Variants in FHIT observed in about 807,000 individuals in gnomAD.
The protein encoded by FHIT is fragile histidine triad diadenosine triphosphatase, also known as bis(5'-adenosyl)-triphosphatase.
A neutral mutation model predicts 17.9 loss-of-function variants in FHIT; 19 were observed. The ratio of observed to expected loss-of-function variants is 1.06; its 90% CI spans 0.74 to 1.56. The LOEUF (loss-of-function observed/expected upper bound fraction) is 1.56. Ranked by LOEUF, FHIT falls within the 40% of genes most tolerant of loss-of-function variation. The probability of loss-of-function intolerance (pLI) is 0.00; values close to 1 mark genes in which losing one functional copy is unlikely to be tolerated. For missense variants in FHIT, 248 were observed against 189.2 expected (o/e 1.31, Z -1.82); for synonymous variants, 81 against 69.7 (o/e 1.16, Z -0.81).
At chr3:60,911,974 AATGTT>A (rs1328014679) in intron 3 of FHIT, among the ~76,000 whole-genome samples, 4 of 151,996 alleles carry the variant, frequency 2.6e-5, no homozygotes, top group African/African-American at 9.7e-5. Context: ...TAATTATGTG[AATGTT>A]GCTATAAAAA....
intron 5 of FHIT, among the ~76,000 whole-genome samples, chr3:60,152,970 G>C (rs1700530816): frequency 6.6e-6 from 1 of 152,104 alleles, no homozygotes; most frequent in Non-Finnish European, 1.5e-5. Flanking sequence ...TGAAATCCTG[G>C]ACATGCAGTG....
intron 1 of FHIT, among the ~76,000 whole-genome samples, chr3:61,219,487 T>C (rs2039778912): frequency 1.3e-5 from 2 of 152,070 alleles, no homozygotes; most frequent in African/African-American, 4.8e-5. Flanking sequence ...CTTTCCCATG[T>C]TTTCCTTGAC....
intron 5 of FHIT, among the ~76,000 whole-genome samples, chr3:60,121,743 CACAT>C (rs1252108300): frequency 6.9e-6 from 1 of 145,636 alleles, no homozygotes; most frequent in African/African-American, 2.5e-5. Flanking sequence ...CACACACACA[CACAT>C]TAGCCCTGTG....
intron 3 of FHIT, among the ~76,000 whole-genome samples, chr3:60,962,370 C>G (rs183385956): frequency 6.6e-6 from 1 of 152,342 alleles, no homozygotes; most frequent in Admixed American, 6.5e-5. Flanking sequence ...GTCATGTCAT[C>G]TGCAAACAGG....
chr3:60,760,232 T>C (rs1699598400), intron 4 of FHIT, among the ~76,000 whole-genome samples: 1 of 152,176 alleles, frequency 6.6e-6, no homozygotes, highest in South Asian at 2.1e-4. Flanking sequence ...CAAGTGTTTT[T>C]GTAGGCATGT....
chr3:60,790,002 T>G (rs1553728088), intron 4 of FHIT, among the ~76,000 whole-genome samples: 1 of 152,192 alleles, frequency 6.6e-6, no homozygotes. Context: ...GATTAGTCTT[T>G]TAAATCAATG....
chr3:59,785,346 G>A (rs1426200939), intron 8 of FHIT, among the ~76,000 whole-genome samples: 1 of 138,926 alleles, frequency 7.2e-6, no homozygotes, highest in Non-Finnish European at 1.5e-5. Context: ...ATCTCACTCT[G>A]TCTCCCAGGC....
intron 3 of FHIT, among the ~76,000 whole-genome samples, chr3:60,856,833 C>A (rs565348900): frequency 2.6e-5 from 4 of 152,042 alleles, no homozygotes; most frequent in Non-Finnish European, 5.9e-5. Context: ...TGTACTCTCT[C>A]AGGCCTCAAA....
intron 5 of FHIT, among the ~76,000 whole-genome samples, chr3:60,106,653 T>G (rs984972474): frequency 6.6e-5 from 10 of 152,148 alleles, no homozygotes; most frequent in Non-Finnish European, 1.3e-4. Context: ...CCAAGGACAG[T>G]GCTGCTTCCC....
chr3:60,105,352 G>A (rs544559163), intron 5 of FHIT, among the ~76,000 whole-genome samples: 2 of 152,114 alleles, frequency 1.3e-5, no homozygotes, highest in African/African-American at 2.4e-5. Context: ...AAAATCTCTC[G>A]ATAATTTTGC....
chr3:60,045,520 T>A (rs1425163713), intron 5 of FHIT, among the ~76,000 whole-genome samples: 1 of 151,962 alleles, frequency 6.6e-6, no homozygotes, highest in Non-Finnish European at 1.5e-5. Flanking sequence ...ACTGTATCCC[T>A]CCCACAACAC....
rs116578612 is a variant in FHIT, at chr3:60,236,725, T to C, written c.104-222573A>G. 6.0e-3 allele frequency among the ~76,000 whole-genome samples: 914 copies of C among 152,314 alleles called. 6 individuals carry two copies. The highest frequency in any genetic ancestry group is 0.027 in the Middle Eastern group (8 of 294). ...TATTTCCTTTTTTTTACTTATACAG[T>C]AATATTTGAAAATATTCTCACTGTA... On this transcript the variant is annotated intron_variant, in intron 5 of 9. Coordinates refer to ENST00000492590, the MANE Select transcript of FHIT (RefSeq NM_002012.4).
chr3:61,213,795 T>C (rs1045379995), intron 1 of FHIT, among the ~76,000 whole-genome samples: 1 of 152,078 alleles, frequency 6.6e-6, no homozygotes, highest in Non-Finnish European at 1.5e-5. Flanking sequence ...ACAGAAATTA[T>C]AACAAATTGT....
intron 5 of FHIT, among the ~76,000 whole-genome samples, chr3:60,338,890 C>T (rs917708484): frequency 6.6e-6 from 1 of 152,242 alleles, no homozygotes; most frequent in Admixed American, 6.5e-5. Flanking sequence ...TCAGATGGGC[C>T]TGCCTCAAAC....
chr3:60,991,677 C>T (rs1457239199), intron 3 of FHIT, among the ~76,000 whole-genome samples: 1 of 152,144 alleles, frequency 6.6e-6, no homozygotes, highest in African/African-American at 2.4e-5. Flanking sequence ...CTAAAGTCTT[C>T]ACGTGAAAAC....
Position 61,154,248 on chromosome 3 carries a change from G to A in FHIT, c.-164+46369C>T, listed in dbSNP as rs188664977. Among the ~76,000 whole-genome samples the A allele has an allele frequency of 7.2e-5, 11 of 152,272 alleles. No individual in the cohort carries two copies. In the East Asian group the frequency reaches 1.5e-3, roughly 21 times the overall value. ...CTCAGGGAAACCTCCCAGAATGATA[G>A]GACCATTTACACTAAATGAACCGAA... On this transcript the variant is annotated intron_variant, in intron 2 of 9. Coordinates refer to ENST00000492590, the MANE Select transcript of FHIT (RefSeq NM_002012.4).
intron 2 of FHIT, among the ~76,000 whole-genome samples, chr3:61,121,856 C>T (rs2036466076): frequency 6.6e-6 from 1 of 152,052 alleles, no homozygotes; most frequent in Non-Finnish European, 1.5e-5. Flanking sequence ...CAAAGAGACA[C>T]ATAGGCTCAA....
intron 4 of FHIT, among the ~76,000 whole-genome samples, chr3:60,766,326 T>C (rs11130781): frequency 0.61 from 92,829 of 152,050 alleles, 30,948 homozygotes; most frequent in African/African-American, 0.89. Context: ...GAGCACTCTC[T>C]TTCCTGGCAC....
chr3:60,209,124 C>T (rs1367494975), intron 5 of FHIT, among the ~76,000 whole-genome samples: 3 of 152,142 alleles, frequency 2.0e-5, no homozygotes, highest in African/African-American at 7.2e-5. Flanking sequence ...AATGCCAAAA[C>T]ATTTACCCAA....
Sources: gnomAD v4.1 joint callset for allele counts (sites outside exome capture counted in the v4.1 genomes callset) on GRCh38, gnomAD v4.1.1 for gene constraint, MANE v1.5 for transcripts, NCBI Gene and HGNC (gene_info 2026-07-23, HGNC 2026-07-21) for gene names.